Variants in KIF19 observed in about 807,000 individuals in gnomAD.
KIF19 encodes the protein kinesin family member 19, also known as kinesin-like protein KIF19.
KIF19 carries 98 observed loss-of-function variants against 106.6 expected under a neutral mutation model. That is an observed-to-expected ratio of 0.92 (90% CI 0.78 to 1.09). KIF19 has a LOEUF of 1.09. Ranked by LOEUF, KIF19 falls within the 50% of genes least tolerant of loss-of-function variation. The pLI is 0.00. For missense variants in KIF19, 1,373 were observed against 1,414.3 expected (o/e 0.97, Z 0.47); for synonymous variants, 516 against 584.2 (o/e 0.88, Z 1.68).
At chr17:74,342,074 T>A in intron 3 of KIF19, 88 bp downstream of exon 3, 1 of 944,862 alleles carries the variant, frequency 1.1e-6, no homozygotes, top group Non-Finnish European at 1.7e-6. Context: ...GCCCCTGCCT[T>A]TGAACCTCAG....
At chr17:74,342,751 G>A (rs186566355) in intron 4 of KIF19, 34 bp downstream of exon 4, 81 of 1,566,898 alleles carry the variant, frequency 5.2e-5, no homozygotes, top group Admixed American at 5.0e-4. Context: ...GGCGAGGACC[G>A]CAATGCCCCT....
intron 2 of KIF19, among the ~76,000 whole-genome samples, chr17:74,337,142 C>T (rs1304427190): frequency 1.3e-5 from 2 of 152,178 alleles, no homozygotes; most frequent in Non-Finnish European, 2.9e-5. Context: ...CAAGAGTGCC[C>T]ACTCTTAAGC....
chr17:74,350,530 T>C lies in KIF19; in HGVS notation c.1343T>C (p.Met448Thr), dbSNP rs758476339. ...RRLLELENRA[M>T]EVQIDTSRHL... ...CTGCTGGAGCTGGAGAACCGCGCCA[T>C]GGAGGTCCAGATTGACACCTCCCGA... Residue 448 changes from methionine to threonine, a missense_variant, in exon 11 of 20, where the codon ATG becomes ACG. By Grantham distance (81) the Met-to-Thr change is moderately conservative. Around this residue, in one of 3 missense-constraint regions of KIF19, gnomAD observed 1,020 missense variants for 1,008.2 expected, o/e 1.01. Transcript: ENST00000389916. The C allele has an allele frequency of 6.2e-7, 1 of 1,612,812 alleles. No individual in the cohort carries two copies. Among genetic ancestry groups the C allele is most frequent in the African/African-American group, 1.3e-5 (1 of 74,916 alleles).
intron 1 of KIF19, 95 bp downstream of exon 1, chr17:74,326,483 C>G (rs898607580): frequency 1.6e-6 from 2 of 1,222,088 alleles, no homozygotes; most frequent in African/African-American, 3.0e-5. Context: ...CGCCACCCCA[C>G]TGAGAGGACA....
intron 8 of KIF19, 123 bp from the exon 9 acceptor site, chr17:74,347,654 C>G: frequency 2.6e-6 from 3 of 1,144,750 alleles, no homozygotes; most frequent in Non-Finnish European, 3.7e-6. Context: ...CGCTCAGCAG[C>G]CGGGTCCCTT....
chr17:74,352,801 C>T lies in KIF19; in HGVS notation c.1981-20C>T, dbSNP rs1329484295. 1.9e-6 allele frequency: 3 copies of T among 1,613,814 alleles called. No homozygotes were observed. The highest frequency in any genetic ancestry group is 2.5e-6 in the Non-Finnish European group (3 of 1,179,794). On this transcript the variant is annotated intron_variant, in intron 14 of 19. Coordinates refer to ENST00000389916, the MANE Select transcript of KIF19 (RefSeq NM_153209.4). The stretch of plus-strand genomic sequence containing the variant: ...AGGACCAAATCTTCTAACTGTCCAC[C>T]CTGGCTCCCTCCTCCCCAGGACAGC...
intron 2 of KIF19, among the ~76,000 whole-genome samples, chr17:74,337,053 C>T (rs906663364): frequency 1.3e-5 from 2 of 152,062 alleles, no homozygotes; most frequent in Non-Finnish European, 2.9e-5. Context: ...AGGCTGGTCT[C>T]GAACTCCTGA....
At chr17:74,345,387 G>C (rs555923018) in intron 7 of KIF19, among the ~76,000 whole-genome samples, 1 of 152,152 alleles carries the variant, frequency 6.6e-6, no homozygotes, top group Non-Finnish European at 1.5e-5. Flanking sequence ...CTGACTGGGA[G>C]GACTTGACAC....
Position 74,346,127 on chromosome 17 carries a change from G to A in KIF19, c.778-251G>A, listed in dbSNP as rs776625563. ...GGCACTGTGTGTCAGGCCGTGCCAC[G>A]GCACCTGCCCTGAGGAGAACCGGCC... On this transcript the variant is annotated intron_variant, in intron 7 of 19. Coordinates refer to ENST00000389916, the MANE Select transcript of KIF19 (RefSeq NM_153209.4). The surrounding 1 kb of genome is among the most constrained non-coding windows in gnomAD (Gnocchi z 4.6). Among the ~76,000 whole-genome samples, 3 of 152,204 alleles carry A rather than the reference G, an allele frequency of 2.0e-5. No homozygotes were observed. The highest frequency in any genetic ancestry group is 4.8e-5 in the African/African-American group (2 of 41,448).
chr17:74,329,322 C>T (rs2054006639), intron 2 of KIF19: 1 of 151,952 alleles, frequency 6.6e-6, no homozygotes, highest in Admixed American at 6.6e-5. Flanking sequence ...GTGGCACGTG[C>T]CTGTAGTCGC....
chr17:74,342,885 C>T (rs1341869385), intron 4 of KIF19, 139 bp from the exon 5 acceptor site: 89 of 1,220,904 alleles, frequency 7.3e-5, no homozygotes, highest in Non-Finnish European at 1.1e-5. Context: ...GGGGCATCAT[C>T]CTCCCCACTC....
intron 11 of KIF19, 63 bp from the exon 12 acceptor site, chr17:74,350,644 C>G: frequency 1.2e-6 from 2 of 1,609,922 alleles, no homozygotes; most frequent in South Asian, 2.2e-5. Flanking sequence ...CGACCTGTGG[C>G]TGTACAGTGT....
chr17:74,339,173 C>T (rs979286520), intron 2 of KIF19, among the ~76,000 whole-genome samples: 1 of 151,892 alleles, frequency 6.6e-6, no homozygotes, highest in South Asian at 2.1e-4. Context: ...AGGGCAGGAA[C>T]TCCCCTACCT....
In KIF19 at chr17:74,344,912, G is replaced by A. The variant is rs755638085; in HGVS notation, c.734G>A (p.Arg245His). 12 of 1,611,020 alleles carry A rather than the reference G, an allele frequency of 7.4e-6. No homozygotes were observed. The highest frequency in any genetic ancestry group is 1.7e-4 in the Middle Eastern group (1 of 5,718). Residue 245 changes from arginine to histidine, a missense_variant, in exon 7 of 20, where the codon CGC becomes CAC. Physicochemically the swap from Arg to His is conservative, Grantham distance 29. This residue lies in a region of KIF19 where 348 missense variants were observed against 389.5 expected (regional missense o/e 0.89). Coordinates refer to ENST00000389916, the MANE Select transcript of KIF19 (RefSeq NM_153209.4). ...ATCTTGCAGGAGGTGCGGCAGGGCC[G>A]CCTGTTCATGATCGACCTGGCTGGC... ...KNILQEVRQG[R>H]LFMIDLAGSE...
intron 19 of KIF19, 40 bp from the exon 20 acceptor site, chr17:74,355,142 C>G: frequency 6.4e-7 from 1 of 1,558,862 alleles, no homozygotes. Flanking sequence ...GTTGGGGAGG[C>G]ATTCCGAAAC....
At chr17:74,336,284 T>C (rs1041625025) in intron 2 of KIF19, among the ~76,000 whole-genome samples, 2 of 152,132 alleles carry the variant, frequency 1.3e-5, no homozygotes, top group Non-Finnish European at 2.9e-5. Context: ...GGCTAGGCTG[T>C]TCTTGAACTC....
chr17:74,352,747 G>A (rs751306966), intron 14 of KIF19, 74 bp from the exon 15 acceptor site: 4 of 1,574,666 alleles, frequency 2.5e-6, no homozygotes, highest in Admixed American at 3.4e-5. Flanking sequence ...CACCCTGTAA[G>A]CCTTTGTGAC....
intron 10 of KIF19, among the ~76,000 whole-genome samples, chr17:74,350,178 C>T (rs751770098): frequency 2.6e-5 from 4 of 152,162 alleles, no homozygotes; most frequent in Non-Finnish European, 5.9e-5. Flanking sequence ...CAGTTCATAC[C>T]AAGGAGCTGG....
At chr17:74,349,090 G>A (rs1168805385) in intron 9 of KIF19, 94 bp from the exon 10 acceptor site, 10 of 1,299,208 alleles carry the variant, frequency 7.7e-6, no homozygotes, top group African/African-American at 1.5e-5. Flanking sequence ...AGAAAGACTG[G>A]GGGAGGCAGG....
Sources: gnomAD v4.1 joint callset for allele counts (sites outside exome capture counted in the v4.1 genomes callset) on GRCh38, gnomAD v4.1.1 for gene constraint, gnomAD v4.1.1 regional missense constraint, Gnocchi (gnomAD v3.1) non-coding constraint, MANE v1.5 for transcripts, NCBI Gene and HGNC (gene_info 2026-07-23, HGNC 2026-07-21) for gene names.